Variants in RGS7 observed in about 807,000 individuals in gnomAD.
The protein encoded by RGS7 is regulator of G-protein signaling 7.
RGS7 carries 27 observed loss-of-function variants against 81.1 expected under a neutral mutation model. The observed-to-expected ratio is 0.33, with a 90% CI of 0.25 to 0.46. The LOEUF (loss-of-function observed/expected upper bound fraction) is 0.46, where lower values mean the gene tolerates loss of function less well. Ranked by LOEUF, RGS7 falls within the 20% of genes least tolerant of loss-of-function variation. RGS7 has a pLI of 1.00. For missense variants in RGS7, 396 were observed against 607.4 expected, an observed-to-expected ratio of 0.65 and a Z score of 3.66; for synonymous variants, 208 against 207.7, an observed-to-expected ratio of 1.00 and a Z score of -0.01.
rs1313898544 is a variant in RGS7, at chr1:241,271,996, TTTA to T, written c.78+83700_78+83702del. The stretch of plus-strand genomic sequence containing the variant: ...CTACTAGAATTTCTTTTTTTTTTTT[TTTA>T]TTTTTATTTTTTGAGATGGAGTCTC... On this transcript the variant is annotated intron_variant, in intron 2 of 18. Coordinates refer to ENST00000440928, the MANE Select transcript of RGS7 (RefSeq NM_001364886.1). This position sits in a 1 kb window ranked among gnomAD's most constrained non-coding sequence, Gnocchi z 4.6. Among the ~76,000 whole-genome samples the T allele has an allele frequency of 7.9e-4, 110 of 138,960 alleles. 5 individuals carry two copies. The highest frequency in any genetic ancestry group is 3.6e-3 in the Middle Eastern group (1 of 274). The allele number at this position is 138,960 out of a possible 152,430, so 91.2% of individuals were successfully genotyped here. A position where few individuals can be genotyped will look rare whatever the true frequency, so the allele number is the denominator to read the frequency against.
chr1:240,784,748 C>T (rs1684785295), intron 18 of RGS7, among the ~76,000 whole-genome samples: 2 of 151,464 alleles, frequency 1.3e-5, no homozygotes, highest in South Asian at 4.2e-4. Context: ...GCCTCCGAGT[C>T]TCTCCCATAT....
intron 3 of RGS7, among the ~76,000 whole-genome samples, chr1:241,025,625 T>G (rs966219693): frequency 1.3e-5 from 2 of 152,062 alleles, no homozygotes; most frequent in Admixed American, 6.6e-5. Context: ...GAGGGAAGAT[T>G]GTCTTTTTGC....
chr1:240,834,469 T>C (rs895497679), intron 9 of RGS7, among the ~76,000 whole-genome samples: 6 of 152,106 alleles, frequency 3.9e-5, no homozygotes, highest in African/African-American at 1.4e-4. Context: ...GATAAGGTGG[T>C]AAGGACTTTG....
intron 2 of RGS7, among the ~76,000 whole-genome samples, chr1:241,119,964 G>A (rs1021606928): frequency 2.6e-5 from 4 of 151,928 alleles, no homozygotes; most frequent in South Asian, 2.1e-4. Context: ...TGTATGCAGC[G>A]CCTTGATCTC....
At chr1:241,297,995 A>G (rs752599307) in intron 2 of RGS7, among the ~76,000 whole-genome samples, 2 of 152,186 alleles carry the variant, frequency 1.3e-5, no homozygotes, top group Non-Finnish European at 2.9e-5. Context: ...GCATCATTCA[A>G]ATTGGCAAAT....
intron 14 of RGS7, among the ~76,000 whole-genome samples, chr1:240,811,143 TAA>T (rs1689779133): frequency 6.6e-6 from 1 of 152,162 alleles, no homozygotes; most frequent in South Asian, 2.1e-4. Context: ...CAGGACTGCA[TAA>T]GTCATGGAAA....
intron 3 of RGS7, among the ~76,000 whole-genome samples, chr1:241,098,345 AT>A (rs1016227684): frequency 1.3e-5 from 2 of 152,030 alleles, no homozygotes; most frequent in East Asian, 1.9e-4. Context: ...GAAATCACTG[AT>A]TTTTTTCACC....
chr1:241,038,578 T>C (rs2148757631), intron 3 of RGS7, among the ~76,000 whole-genome samples: 1 of 152,356 alleles, frequency 6.6e-6, no homozygotes, highest in East Asian at 1.9e-4. Flanking sequence ...TCCTAAGTTC[T>C]TGAGACAATT....
chr1:241,189,911 C>T (rs377234706), intron 2 of RGS7, among the ~76,000 whole-genome samples: 15 of 151,664 alleles, frequency 9.9e-5, no homozygotes, highest in African/African-American at 1.7e-4. Flanking sequence ...GTCAGGAGAT[C>T]GAGCCCACGG....
intron 2 of RGS7, among the ~76,000 whole-genome samples, chr1:241,228,243 G>C (rs1332304874): frequency 6.6e-6 from 1 of 152,186 alleles, no homozygotes; most frequent in Admixed American, 6.5e-5. Flanking sequence ...CAAAACACGT[G>C]AATGAGGAAA....
At chr1:240,996,861 AT>A (rs1431914454) in intron 3 of RGS7, among the ~76,000 whole-genome samples, 25 of 152,182 alleles carry the variant, frequency 1.6e-4, no homozygotes, top group African/African-American at 6.0e-4. Flanking sequence ...TAAGTATGCC[AT>A]TTTATTTTTT....
intron 6 of RGS7, among the ~76,000 whole-genome samples, chr1:240,911,626 C>T (rs1304482866): frequency 6.6e-6 from 1 of 152,184 alleles, no homozygotes; most frequent in Non-Finnish European, 1.5e-5. Flanking sequence ...ATCCAGCTAT[C>T]TGTAAGTCTT....
chr1:241,065,773 A>C (rs952563102), intron 3 of RGS7, among the ~76,000 whole-genome samples: 1 of 152,234 alleles, frequency 6.6e-6, no homozygotes, highest in African/African-American at 2.4e-5. Flanking sequence ...GCTAAGTCTT[A>C]TGCCTGCATG....
chr1:241,252,190 C>T (rs1365646038), intron 2 of RGS7, among the ~76,000 whole-genome samples: 2 of 151,794 alleles, frequency 1.3e-5, no homozygotes, highest in Non-Finnish European at 2.9e-5. Flanking sequence ...ATTACAGGCG[C>T]CCACCACCAC....
At chr1:241,087,995 T>TGTAC (rs2063567292) in intron 3 of RGS7, among the ~76,000 whole-genome samples, 2 of 116,340 alleles carry the variant, frequency 1.7e-5, no homozygotes, top group Non-Finnish European at 3.4e-5. Context: ...TATATATATA[T>TGTAC]ACACACACAC....
intron 18 of RGS7, among the ~76,000 whole-genome samples, chr1:240,790,684 T>C (rs896379351): frequency 9.2e-5 from 14 of 152,300 alleles, no homozygotes; most frequent in African/African-American, 3.4e-4. Flanking sequence ...GGGTACCACA[T>C]CTCAGATACT....
At chr1:240,785,532 G>T (rs1250015242) in intron 18 of RGS7, among the ~76,000 whole-genome samples, 1 of 152,168 alleles carries the variant, frequency 6.6e-6, no homozygotes, top group Non-Finnish European at 1.5e-5. Context: ...CTCCAAATAA[G>T]TAGTTGATTA....
chr1:241,278,614 T>C (rs745502773), intron 2 of RGS7, among the ~76,000 whole-genome samples: 4 of 152,214 alleles, frequency 2.6e-5, no homozygotes, highest in Non-Finnish European at 2.9e-5. Flanking sequence ...GGCTGTGTCC[T>C]TTCTCATTCA....
chr1:240,946,035 T>C (rs1276614233), intron 4 of RGS7, among the ~76,000 whole-genome samples: 1 of 152,174 alleles, frequency 6.6e-6, no homozygotes, highest in African/African-American at 2.4e-5. Flanking sequence ...AAATAAGATG[T>C]ATTAAAACAT....
Sources: gnomAD v4.1 joint callset for allele counts (sites outside exome capture counted in the v4.1 genomes callset) on GRCh38, gnomAD v4.1.1 for gene constraint, Gnocchi (gnomAD v3.1) non-coding constraint, MANE v1.5 for transcripts, NCBI Gene and HGNC (gene_info 2026-07-23, HGNC 2026-07-21) for gene names.